PTPRT: variants seen among roughly 807,000 people sequenced by gnomAD.
PTPRT encodes the protein receptor-type tyrosine-protein phosphatase T.
A neutral mutation model predicts 176.8 loss-of-function variants in PTPRT; 56 were observed. That is an observed-to-expected ratio of 0.32 (90% confidence interval 0.26 to 0.40). The LOEUF (loss-of-function observed/expected upper bound fraction) is 0.40, where lower values mean the gene tolerates loss of function less well. PTPRT is among the 10% of genes least tolerant of loss of function. The pLI, the probability that PTPRT is intolerant of heterozygous loss-of-function variation, is 1.00. For missense variants in PTPRT, 1,540 were observed against 1,908.2 expected, an observed-to-expected ratio of 0.81 and a Z score of 3.60; for synonymous variants, 783 against 739.0, an observed-to-expected ratio of 1.06 and a Z score of -0.96.
At chr20:43,097,240 A>G (rs2012209355) in intron 1 of PTPRT, among the ~76,000 whole-genome samples, 2 of 152,120 alleles carry the variant, frequency 1.3e-5, no homozygotes, top group African/African-American at 4.8e-5. Flanking sequence ...TCATGCTCAA[A>G]TCCCATCTCT....
intron 6 of PTPRT, among the ~76,000 whole-genome samples, chr20:42,681,242 A>T (rs1005450959): frequency 3.9e-5 from 6 of 152,356 alleles, no homozygotes; most frequent in African/African-American, 1.4e-4. Context: ...GTACAGGGCC[A>T]TCCAGTCCAA....
intron 11 of PTPRT, among the ~76,000 whole-genome samples, chr20:42,329,951 T>G (rs2057944301): frequency 6.6e-6 from 1 of 152,156 alleles, no homozygotes; most frequent in Non-Finnish European, 1.5e-5. Context: ...ACAAAATAGC[T>G]GTAGTATCAT....
chr20:43,065,673 G>T (rs1407639804), intron 1 of PTPRT, among the ~76,000 whole-genome samples: 1 of 152,138 alleles, frequency 6.6e-6, no homozygotes, highest in African/African-American at 2.4e-5. Context: ...CAGAGGTTCA[G>T]GTAAGGTGGG....
chr20:42,863,552 T>C (rs6103074), intron 2 of PTPRT, among the ~76,000 whole-genome samples: 4,407 of 152,270 alleles, frequency 0.029, 177 homozygotes, highest in African/African-American at 0.081. Context: ...AATTCATGAG[T>C]AGTAACTGAT....
chr20:42,111,174 G>C (rs1986972220), intron 22 of PTPRT, among the ~76,000 whole-genome samples: 1 of 152,104 alleles, frequency 6.6e-6, no homozygotes, highest in African/African-American at 2.4e-5. Context: ...GTGGTTTTCT[G>C]ACCATTCCAT....
intron 5 of PTPRT, among the ~76,000 whole-genome samples, chr20:42,765,047 G>A (rs1210991532): frequency 1.3e-5 from 2 of 152,224 alleles, no homozygotes; most frequent in Non-Finnish European, 2.9e-5. Context: ...CTGCTGGAGT[G>A]CAGGCAGGAA....
chr20:42,881,733 A>G (rs2079014395), intron 2 of PTPRT, among the ~76,000 whole-genome samples: 2 of 149,752 alleles, frequency 1.3e-5, no homozygotes, highest in South Asian at 4.2e-4. Context: ...TCAAAAAAAA[A>G]AAAAAAAAAA....
chr20:42,226,754 C>T (rs987058041), intron 15 of PTPRT, among the ~76,000 whole-genome samples: 9 of 152,074 alleles, frequency 5.9e-5, no homozygotes, highest in Non-Finnish European at 5.9e-5. Flanking sequence ...CTGGGCACTT[C>T]TGACCCTGGT....
chr20:42,798,150 A>G (rs1244371206), intron 2 of PTPRT, among the ~76,000 whole-genome samples: 1 of 152,184 alleles, frequency 6.6e-6, no homozygotes, highest in Non-Finnish European at 1.5e-5. Context: ...CAGCTCAGCC[A>G]TGGTCCTTCA....
chr20:42,046,836 C>T, the PTPRT span, among the ~76,000 whole-genome samples: 1 of 151,804 alleles, frequency 6.6e-6, no homozygotes, highest in Non-Finnish European at 1.5e-5. Context: ...GGGAGGGACA[C>T]AGGATTCCTG....
At chr20:42,693,653 C>A (rs190093414) in intron 6 of PTPRT, among the ~76,000 whole-genome samples, 81 of 152,140 alleles carry the variant, frequency 5.3e-4, no homozygotes, top group African/African-American at 1.9e-3. Flanking sequence ...ATTTAGGCAT[C>A]CATATGAAAA....
intron 16 of PTPRT, among the ~76,000 whole-genome samples, chr20:42,175,242 T>C (rs1290125232): frequency 2.0e-5 from 3 of 152,200 alleles, no homozygotes; most frequent in Non-Finnish European, 4.4e-5. Context: ...GCTTCAAGGC[T>C]ATGATTGGTC....
intron 7 of PTPRT, among the ~76,000 whole-genome samples, chr20:42,583,817 C>T (rs532051789): frequency 1.3e-5 from 2 of 152,232 alleles, no homozygotes; most frequent in African/African-American, 2.4e-5. Flanking sequence ...TCTATGTTGT[C>T]ACAATTTTAA....
At chr20:43,161,778 G>A (rs543611864) in intron 1 of PTPRT, among the ~76,000 whole-genome samples, 1 of 152,188 alleles carries the variant, frequency 6.6e-6, no homozygotes. Context: ...AAAACCCTCA[G>A]GAGCCTAACT....
intron 2 of PTPRT, among the ~76,000 whole-genome samples, chr20:42,827,989 AG>A (rs2078024888): frequency 1.3e-5 from 2 of 152,214 alleles, no homozygotes; most frequent in Non-Finnish European, 2.9e-5. Context: ...CCAGTAGAGT[AG>A]GGTGCTGCTA....
intron 1 of PTPRT, among the ~76,000 whole-genome samples, chr20:42,905,625 T>G (rs902778799): frequency 2.0e-5 from 3 of 152,196 alleles, no homozygotes; most frequent in African/African-American, 7.2e-5. Flanking sequence ...CACATATGTT[T>G]ATTGTGGCAC....
At chr20:42,357,380 G>A (rs1029811259) in intron 9 of PTPRT, among the ~76,000 whole-genome samples, 4 of 152,218 alleles carry the variant, frequency 2.6e-5, no homozygotes, top group African/African-American at 9.6e-5. Flanking sequence ...AGGAGGCAAA[G>A]ATCGTATCTG....
At chr20:42,142,701 G>A (rs1206313378) in intron 17 of PTPRT, among the ~76,000 whole-genome samples, 2 of 152,140 alleles carry the variant, frequency 1.3e-5, no homozygotes, top group African/African-American at 4.8e-5. Context: ...ATTAGGCATA[G>A]CAAGAGATTA....
intron 13 of PTPRT, among the ~76,000 whole-genome samples, chr20:42,260,140 G>T (rs1255005573): frequency 2.6e-5 from 4 of 152,146 alleles, no homozygotes; most frequent in African/African-American, 9.7e-5. Context: ...CACAGGAAAG[G>T]GCATGCCCAG....
Sources: gnomAD v4.1 joint callset for allele counts (sites outside exome capture counted in the v4.1 genomes callset) on GRCh38, gnomAD v4.1.1 for gene constraint, MANE v1.5 for transcripts, NCBI Gene and HGNC (gene_info 2026-07-23, HGNC 2026-07-21) for gene names.